Variants in TOX observed in about 807,000 individuals in gnomAD.
TOX encodes thymocyte selection-associated high mobility group box protein TOX.
A neutral mutation model predicts 53.7 loss-of-function variants in TOX; 11 were observed. That is an observed-to-expected ratio of 0.20 (90% confidence interval 0.13 to 0.34). TOX has a LOEUF of 0.34. Ranked by LOEUF, TOX falls within the 10% of genes least tolerant of loss-of-function variation. The probability of loss-of-function intolerance (pLI) is 1.00; values close to 1 mark genes in which losing one functional copy is unlikely to be tolerated. For missense variants in TOX, 570 were observed against 664.6 expected, an observed-to-expected ratio of 0.86 and a Z score of 1.56; for synonymous variants, 225 against 245.3, an observed-to-expected ratio of 0.92 and a Z score of 0.77.
chr8:59,010,982 G>A (rs1411855777), intron 1 of TOX, among the ~76,000 whole-genome samples: 1 of 152,140 alleles, frequency 6.6e-6, no homozygotes, highest in East Asian at 1.9e-4. Context: ...TCCCATCCTT[G>A]CTTTGGGAAA....
chr8:59,092,959 G>A (rs1804651610), intron 1 of TOX, among the ~76,000 whole-genome samples: 1 of 152,190 alleles, frequency 6.6e-6, no homozygotes, highest in Non-Finnish European at 1.5e-5. Context: ...GTGAGGCATA[G>A]TGGAAAGAGC....
intron 1 of TOX, among the ~76,000 whole-genome samples, chr8:59,024,200 T>G (rs1814194114): frequency 6.6e-6 from 1 of 152,182 alleles, no homozygotes; most frequent in Non-Finnish European, 1.5e-5. Flanking sequence ...ATGAGAAGTA[T>G]TCAGTATGTG....
At chr8:58,808,445 C>G (rs1427675235) in intron 7 of TOX, among the ~76,000 whole-genome samples, 176 bp from the exon 8 acceptor site, 1 of 150,254 alleles carries the variant, frequency 6.7e-6, no homozygotes, top group African/African-American at 2.5e-5. Flanking sequence ...GAAATGCCCA[C>G]AAGTCCATTC....
intron 3 of TOX, among the ~76,000 whole-genome samples, chr8:58,877,393 G>C (rs1434254643): frequency 6.6e-6 from 1 of 152,168 alleles, no homozygotes; most frequent in Non-Finnish European, 1.5e-5. Flanking sequence ...AATGTTGCTA[G>C]TTATAGTAGC....
chr8:59,078,221 C>A (rs1213785102), intron 1 of TOX, among the ~76,000 whole-genome samples: 3 of 152,196 alleles, frequency 2.0e-5, no homozygotes, highest in Non-Finnish European at 2.9e-5. Context: ...ACTGTCTCTG[C>A]AGTCCTGTGC....
chr8:59,079,169 G>A (rs1038486895), intron 1 of TOX, among the ~76,000 whole-genome samples: 1 of 152,212 alleles, frequency 6.6e-6, no homozygotes, highest in Non-Finnish European at 1.5e-5. Context: ...AAGGAAAGCA[G>A]AGCATAAAAG....
intron 1 of TOX, among the ~76,000 whole-genome samples, chr8:59,021,477 A>ATATATATAT (rs1187458598): frequency 1.6e-5 from 1 of 61,414 alleles, no homozygotes; most frequent in Non-Finnish European, 4.1e-5. Flanking sequence ...AAAAAAAAAA[A>ATATATATAT]AAAAATATAT....
chr8:59,038,677 TC>T (rs1456495452), intron 1 of TOX, among the ~76,000 whole-genome samples: 1 of 152,180 alleles, frequency 6.6e-6, no homozygotes, highest in Admixed American at 6.5e-5. Context: ...ATTTGCTATC[TC>T]CCCAGGCTCG....
intron 1 of TOX, among the ~76,000 whole-genome samples, chr8:59,110,431 A>T (rs1804993654): frequency 6.6e-6 from 1 of 152,228 alleles, no homozygotes; most frequent in East Asian, 1.9e-4. Flanking sequence ...TTTACCCATC[A>T]TTTTTTAAAT....
At chr8:59,110,031 G>C (rs1804984872) in intron 1 of TOX, among the ~76,000 whole-genome samples, 1 of 151,964 alleles carries the variant, frequency 6.6e-6, no homozygotes, top group African/African-American at 2.4e-5. Flanking sequence ...GTAAATTTTT[G>C]AGAGTTACCT....
intron 1 of TOX, among the ~76,000 whole-genome samples, chr8:59,040,806 T>G (rs1803568423): frequency 6.6e-6 from 1 of 152,218 alleles, no homozygotes; most frequent in Non-Finnish European, 1.5e-5. Context: ...GTGCTGCCTC[T>G]GGGCTTGGGA....
intron 3 of TOX, among the ~76,000 whole-genome samples, chr8:58,935,166 A>G (rs144965905): frequency 2.6e-5 from 4 of 152,326 alleles, no homozygotes; most frequent in African/African-American, 7.2e-5. Context: ...TCAGTAAATG[A>G]CATACATTAT....
chr8:59,017,424 T>C (rs1404054486), intron 1 of TOX, among the ~76,000 whole-genome samples: 1 of 152,178 alleles, frequency 6.6e-6, no homozygotes. Flanking sequence ...CACGGTATCA[T>C]CCCCTGGAGG....
chr8:58,904,475 G>A (rs1048627100), intron 3 of TOX, among the ~76,000 whole-genome samples: 2 of 152,086 alleles, frequency 1.3e-5, no homozygotes, highest in African/African-American at 2.4e-5. Flanking sequence ...ATGGGGATTC[G>A]AGAACCATTT....
In TOX at chr8:58,921,638, G is replaced by A. The variant is rs373175863; in HGVS notation, c.411+17664C>T. Among the ~76,000 whole-genome samples, 205 of 152,014 alleles carry A rather than the reference G, an allele frequency of 1.3e-3. 1 individual carries two copies. The highest frequency in any genetic ancestry group is 3.7e-3 in the African/African-American group (153 of 41,506). On this transcript the variant is annotated intron_variant, in intron 3 of 8. Transcript: ENST00000361421. ...TAGAGGCAGAAATAAGAAAGAAAAA[G>A]AAAAAAATCTCAAACTCTTCTCTGC...
At chr8:59,070,506 A>AACACACACACACAC (rs371344375) in intron 1 of TOX, among the ~76,000 whole-genome samples, 99 of 140,228 alleles carry the variant, frequency 7.1e-4, no homozygotes, top group African/African-American at 2.1e-3. Flanking sequence ...TGTCAAGGAA[A>AACACACACACACAC]ACACACACAC....
chr8:59,076,485 T>A lies in TOX; in HGVS notation c.102+42401A>T, dbSNP rs60844721. Among the ~76,000 whole-genome samples the A allele has an allele frequency of 5.5e-3, 845 of 152,318 alleles. 8 individuals carry two copies. Among genetic ancestry groups the A allele is most frequent in the African/African-American group, 0.019 (788 of 41,572 alleles). ...TCAAGTATAACTACTTAATTTTTTT[T>A]AAAAGAATTCATAATAATGCCAAAG... On this transcript the variant is annotated intron_variant, in intron 1 of 8. Coordinates refer to ENST00000361421, the MANE Select transcript of TOX (RefSeq NM_014729.3).
chr8:59,057,281 A>G (rs900958326), intron 1 of TOX, among the ~76,000 whole-genome samples: 2 of 151,766 alleles, frequency 1.3e-5, no homozygotes, highest in African/African-American at 4.8e-5. Context: ...TATCTTGTAG[A>G]AAAAAAAATC....
At chr8:59,090,306 T>A (rs1051792411) in intron 1 of TOX, among the ~76,000 whole-genome samples, 7 of 152,212 alleles carry the variant, frequency 4.6e-5, no homozygotes, top group South Asian at 2.1e-4. Context: ...ATTATCTGCA[T>A]ACTAGTTGCC....
Sources: gnomAD v4.1 joint callset for allele counts (sites outside exome capture counted in the v4.1 genomes callset) on GRCh38, gnomAD v4.1.1 for gene constraint, MANE v1.5 for transcripts, NCBI Gene and HGNC (gene_info 2026-07-23, HGNC 2026-07-21) for gene names.